The following DOK6 variants were observed in gnomAD, a reference collection of about 807,000 sequenced individuals.
DOK6 encodes downstream of tyrosine kinase 6.
DOK6 carries 22 observed loss-of-function variants against 44.0 expected under a neutral mutation model. That is an observed-to-expected ratio of 0.50 (90% CI 0.36 to 0.71). The LOEUF (loss-of-function observed/expected upper bound fraction) is 0.71, where lower values mean the gene tolerates loss of function less well. Among genes scored for constraint, DOK6 ranks in the 30% least tolerant of loss-of-function variants. DOK6 has a pLI of 0.00. For missense variants in DOK6, 340 were observed against 416.4 expected, an observed-to-expected ratio of 0.82 and a Z score of 1.60; for synonymous variants, 166 against 145.5, an observed-to-expected ratio of 1.14 and a Z score of -1.01.
chr18:69,643,057 A>G (rs1490061754), intron 3 of DOK6, among the ~76,000 whole-genome samples: 1 of 152,206 alleles, frequency 6.6e-6, no homozygotes, highest in African/African-American at 2.4e-5. Context: ...CAATCTTTGT[A>G]TCATTATGGC....
intron 1 of DOK6, among the ~76,000 whole-genome samples, chr18:69,502,979 C>T (rs919882189): frequency 6.6e-6 from 1 of 152,024 alleles, no homozygotes; most frequent in African/African-American, 2.4e-5. Context: ...TTAAAGGATT[C>T]TGCTTGGTGT....
At chr18:69,490,533 A>G (rs1980706429) in intron 1 of DOK6, among the ~76,000 whole-genome samples, 1 of 152,200 alleles carries the variant, frequency 6.6e-6, no homozygotes, top group African/African-American at 2.4e-5. Context: ...TCATTAATAT[A>G]TGCCTGTTAG....
intron 7 of DOK6, among the ~76,000 whole-genome samples, chr18:69,821,070 T>C (rs1366677845): frequency 6.6e-6 from 1 of 152,174 alleles, no homozygotes; most frequent in Non-Finnish European, 1.5e-5. Context: ...TTTTAAAAAA[T>C]ATTCATTGTC....
At chr18:69,560,022 T>A (rs1239333997) in intron 1 of DOK6, among the ~76,000 whole-genome samples, 4 of 152,100 alleles carry the variant, frequency 2.6e-5, no homozygotes, top group South Asian at 2.1e-4. Context: ...AGTAGATGAA[T>A]TCTGTGGGAT....
intron 5 of DOK6, among the ~76,000 whole-genome samples, chr18:69,703,002 T>C (rs2144707436): frequency 6.6e-6 from 1 of 151,928 alleles, no homozygotes; most frequent in Non-Finnish European, 1.5e-5. Context: ...TCTCCATTTC[T>C]CAATAAAAAC....
intron 1 of DOK6, among the ~76,000 whole-genome samples, chr18:69,411,654 A>G (rs1183647532): frequency 6.6e-6 from 1 of 152,086 alleles, no homozygotes; most frequent in Non-Finnish European, 1.5e-5. Flanking sequence ...TTTTGTTATG[A>G]CATGTAGAAA....
intron 1 of DOK6, among the ~76,000 whole-genome samples, chr18:69,495,227 T>C (rs959291165): frequency 3.3e-5 from 5 of 152,210 alleles, no homozygotes; most frequent in Non-Finnish European, 7.4e-5. Context: ...CAGTCTTGGC[T>C]TGGGGAGCTC....
At position 69,659,962 on chromosome 18, in the gene DOK6, T is replaced by TTATATATATA. The variant is rs372958644; in HGVS notation, c.290-17768_290-17759dup. 10 of 66,846 alleles carry TTATATATATA rather than the reference T, an allele frequency of 1.5e-4. 4 individuals are homozygous for TTATATATATA. In the East Asian group the frequency reaches 0.017, roughly 112 times the overall value. 4.1% of individuals were successfully genotyped at this position (66,846 alleles called of 1,614,324 possible). On this transcript the variant is annotated intron_variant, in intron 3 of 7. Coordinates refer to ENST00000382713, the MANE Select transcript of DOK6 (RefSeq NM_152721.6). Reference sequence around the variant, plus strand: ...TATATATATAACATATATGTATGTTTTATATATATATATGTATATAAAGAA... The same window carrying TTATATATATA: ...TATATATATAACATATATGTATGTTTTATATATATATATATATATATATGTATATAAAGAA...
At chr18:69,573,578 A>T (rs1312682487) in intron 2 of DOK6, among the ~76,000 whole-genome samples, 3 of 151,952 alleles carry the variant, frequency 2.0e-5, no homozygotes, top group Admixed American at 6.6e-5. Flanking sequence ...GCAAAGTTCA[A>T]CCAATCCTGA....
At chr18:69,511,356 A>G (rs757379132) in intron 1 of DOK6, among the ~76,000 whole-genome samples, 22 of 152,154 alleles carry the variant, frequency 1.4e-4, no homozygotes, top group Admixed American at 2.6e-4. Flanking sequence ...GCTGTAGTCA[A>G]CTCTCTAAAA....
intron 7 of DOK6, among the ~76,000 whole-genome samples, chr18:69,760,299 C>T (rs1033267522): frequency 6.6e-6 from 1 of 152,122 alleles, no homozygotes; most frequent in Non-Finnish European, 1.5e-5. Flanking sequence ...CAGCACCCTT[C>T]CACGAACACG....
intron 2 of DOK6, among the ~76,000 whole-genome samples, chr18:69,572,326 G>A (rs1018497404): frequency 1.3e-5 from 2 of 152,098 alleles, no homozygotes; most frequent in Non-Finnish European, 1.5e-5. Flanking sequence ...TTGGGCTTGA[G>A]CAACAATGTC....
chr18:69,745,348 A>G (rs1190406037), intron 6 of DOK6, among the ~76,000 whole-genome samples: 1 of 152,258 alleles, frequency 6.6e-6, no homozygotes, highest in South Asian at 2.1e-4. Context: ...AGTTTTCTTA[A>G]ATGAAAATAA....
At position 69,504,620 on chromosome 18, in the gene DOK6, T is replaced by A. The variant is rs145835481; in HGVS notation, c.67-59867T>A. Among the ~76,000 whole-genome samples, 313 of 152,278 alleles carry A rather than the reference T, an allele frequency of 2.1e-3. 3 individuals carry two copies. Among genetic ancestry groups the A allele is most frequent in the East Asian group, 0.016 (84 of 5,182 alleles). ...ATTCAAATATAAAAATCTATCTTTATAGTTTTTAGCAGTCTATGCAAAAAG... is the reference window on the plus strand; with the variant it reads ...ATTCAAATATAAAAATCTATCTTTAAAGTTTTTAGCAGTCTATGCAAAAAG... On this transcript the variant is annotated intron_variant, in intron 1 of 7. Coordinates refer to ENST00000382713, the MANE Select transcript of DOK6 (RefSeq NM_152721.6).
At chr18:69,625,984 G>A (rs1984549151) in intron 3 of DOK6, among the ~76,000 whole-genome samples, 1 of 152,110 alleles carries the variant, frequency 6.6e-6, no homozygotes, top group Admixed American at 6.5e-5. Context: ...CTATATTTCT[G>A]GACAAAGTAA....
intron 1 of DOK6, among the ~76,000 whole-genome samples, chr18:69,432,314 T>C (rs1978828714): frequency 6.6e-6 from 1 of 152,068 alleles, no homozygotes; most frequent in South Asian, 2.1e-4. Context: ...AGTGCTGGTA[T>C]ACATCTGTAG....
chr18:69,805,176 G>C (rs1981019398), intron 7 of DOK6, among the ~76,000 whole-genome samples: 1 of 152,178 alleles, frequency 6.6e-6, no homozygotes, highest in Admixed American at 6.6e-5. Context: ...AAAGAGATAA[G>C]CTCCTGCATT....
At chr18:69,675,132 G>A (rs946841425) in intron 3 of DOK6, among the ~76,000 whole-genome samples, 5 of 152,176 alleles carry the variant, frequency 3.3e-5, no homozygotes, top group Non-Finnish European at 7.3e-5. Flanking sequence ...TCTCATTGCT[G>A]TGATGGGAGA....
At chr18:69,825,228 C>A (rs567007418) in intron 7 of DOK6, among the ~76,000 whole-genome samples, 10 of 152,128 alleles carry the variant, frequency 6.6e-5, no homozygotes, top group African/African-American at 2.4e-4. Context: ...TTTAGAAAAA[C>A]TTAATTTATG....
Sources: allele counts gnomAD v4.1 joint callset (sites outside exome capture counted in the v4.1 genomes callset), GRCh38; gene constraint gnomAD v4.1.1; transcripts MANE v1.5; gene names NCBI Gene and HGNC (gene_info 2026-07-23, HGNC 2026-07-21).